LYG1: variants seen among roughly 807,000 people sequenced by gnomAD.
LYG1 encodes lysozyme g1.
LYG1 carries 17 observed loss-of-function variants against 21.7 expected under a neutral mutation model. That is an observed-to-expected ratio of 0.78 (90% CI 0.54 to 1.18). The LOEUF (loss-of-function observed/expected upper bound fraction) is 1.18. Among genes scored for constraint, LYG1 ranks in the 50% most tolerant of loss-of-function variants. The pLI, the probability that LYG1 is intolerant of heterozygous loss-of-function variation, is 0.00. For missense variants in LYG1, 211 were observed against 238.1 expected, an observed-to-expected ratio of 0.89 and a Z score of 0.75; for synonymous variants, 81 against 87.4, an observed-to-expected ratio of 0.93 and a Z score of 0.41.
intron 4 of LYG1, among the ~76,000 whole-genome samples, chr2:99,292,307 A>G (rs2094121442): frequency 6.6e-6 from 1 of 152,110 alleles, no homozygotes; most frequent in Non-Finnish European, 1.5e-5. Context: ...TAAAAATAAA[A>G]AATAAAAAGC....
At chr2:99,302,952 G>A (rs181401902), upstream of LYG1, among the ~76,000 whole-genome samples, 1 of 151,632 alleles carries the variant, frequency 6.6e-6, no homozygotes, top group Non-Finnish European at 1.5e-5. Flanking sequence ...AAGAGGGAGA[G>A]GTTGCAGTAA....
upstream of LYG1, among the ~76,000 whole-genome samples, chr2:99,303,947 G>A (rs556013147): frequency 9.9e-5 from 15 of 152,040 alleles, no homozygotes; most frequent in African/African-American, 3.6e-4. Context: ...CCAGGCAGGC[G>A]GATCACGAGC....
rs1277660668 is a variant in LYG1, at chr2:99,291,317, C to T, written c.253G>A (p.Val85Met). ...TTCCTGGACAAGACACCAGCGATCACGGCAGGATCCATGCAGTACTTTTGG... is the reference window on the plus strand; with the variant it reads ...TTCCTGGACAAGACACCAGCGATCATGGCAGGATCCATGCAGTACTTTTGG... ...IGQKYCMDPA[V>M]IAGVLSRKSP... The change falls in exon 5 of 7, where the codon GTG becomes ATG. Residue 85 changes from valine (V) to methionine (M), a missense_variant. Transcript: ENST00000308528. 2.0e-5 allele frequency: 33 copies of T among 1,613,390 alleles called. No individual in the cohort carries two copies. Among genetic ancestry groups the T allele is most frequent in the Middle Eastern group, 1.7e-4 (1 of 5,984 alleles).
intron 3 of LYG1, among the ~76,000 whole-genome samples, chr2:99,294,151 C>T (rs2094129460): frequency 6.6e-6 from 1 of 152,080 alleles, no homozygotes; most frequent in South Asian, 2.1e-4. Flanking sequence ...TGAGCTCAAG[C>T]AATTTGCCCG....
intron 6 of LYG1, 60 bp from the exon 7 acceptor site, chr2:99,284,571 T>C: frequency 1.9e-6 from 3 of 1,595,566 alleles, no homozygotes; most frequent in Non-Finnish European, 1.7e-6. Context: ...ACTCTGATTC[T>C]CTTTACTAAC....
At chr2:99,302,703 T>A (rs558616610), upstream of LYG1, among the ~76,000 whole-genome samples, 1 of 152,258 alleles carries the variant, frequency 6.6e-6, no homozygotes, top group East Asian at 1.9e-4. Context: ...GCATCCCCAG[T>A]GCAGACATTG....
chr2:99,299,621 C>T (rs1167563400), intron 1 of LYG1, among the ~76,000 whole-genome samples: 4 of 151,736 alleles, frequency 2.6e-5, no homozygotes, highest in South Asian at 2.1e-4. Flanking sequence ...GACGGGGTTT[C>T]GCCATGTTGG....
chr2:99,284,555 C>T (rs377333710), intron 6 of LYG1, 44 bp from the exon 7 acceptor site: 1 of 1,599,714 alleles, frequency 6.3e-7, no homozygotes, highest in Non-Finnish European at 8.6e-7. Flanking sequence ...GGGTACTCAG[C>T]AGTTAACTCT....
intron 5 of LYG1, among the ~76,000 whole-genome samples, chr2:99,288,503 CTTAAT>C (rs1301402590): frequency 6.6e-6 from 1 of 152,016 alleles, no homozygotes; most frequent in African/African-American, 2.4e-5. Flanking sequence ...CTACTATCAT[CTTAAT>C]TTGTTATTTC....
At chr2:99,295,263 C>T (rs966800973) in intron 3 of LYG1, among the ~76,000 whole-genome samples, 1 of 152,148 alleles carries the variant, frequency 6.6e-6, no homozygotes, top group African/African-American at 2.4e-5. Context: ...TTGAATTAGT[C>T]TTATTCATTA....
chr2:99,289,354 G>A (rs1333699411), intron 5 of LYG1, among the ~76,000 whole-genome samples: 1 of 151,936 alleles, frequency 6.6e-6, no homozygotes, highest in African/African-American at 2.4e-5. Flanking sequence ...CAGCTACTTG[G>A]GAGGCTGAGG....
Position 99,299,284 on chromosome 2 carries a change from CT to C in LYG1, c.-123-736del, listed in dbSNP as rs759326268. 3.5e-3 allele frequency among the ~76,000 whole-genome samples: 442 copies of C among 124,566 alleles called. 2 individuals are homozygous for C. Among genetic ancestry groups the C allele is most frequent in the East Asian group, 5.7e-3 (24 of 4,200 alleles). The allele number at this position is 124,566 out of a possible 152,430, so 81.7% of individuals were successfully genotyped here. A position where few individuals can be genotyped will look rare whatever the true frequency, so the allele number is the denominator to read the frequency against. On this transcript the variant is annotated intron_variant, in intron 1 of 6. Coordinates refer to ENST00000308528, the MANE Select transcript of LYG1 (RefSeq NM_174898.3). ...TTTTTCTTTTTCTTTTTCTTTTTTT[CT>C]TTTTTTTTTTTTTTTAATCGAGACA...
In LYG1 at chr2:99,295,751, C is replaced by T. The variant is rs190820972; in HGVS notation, c.-32-49G>A. On this transcript the variant is annotated intron_variant, in intron 2 of 6. Coordinates refer to ENST00000308528, the MANE Select transcript of LYG1 (RefSeq NM_174898.3). ...AGAATACAAAAATATCAGTCATCAT[C>T]ATAACCACATGTAATATTTCCACAG... 53 of 1,529,166 alleles carry T rather than the reference C, an allele frequency of 3.5e-5. No individual in the cohort carries two copies. The African/African-American group carries it at 7.2e-4, about 21-fold the overall frequency. 94.7% of individuals were successfully genotyped at this position (1,529,166 alleles called of 1,614,324 possible).
intron 5 of LYG1, among the ~76,000 whole-genome samples, chr2:99,286,989 A>T (rs1181509721): frequency 1.3e-5 from 2 of 152,244 alleles, no homozygotes; most frequent in Non-Finnish European, 2.9e-5. Context: ...TGAGGACATT[A>T]TGTAAGTGAA....
chr2:99,299,686 A>G (rs1335455656), intron 1 of LYG1, among the ~76,000 whole-genome samples: 1 of 152,030 alleles, frequency 6.6e-6, no homozygotes, highest in African/African-American at 2.4e-5. Flanking sequence ...CAGCCTCCCA[A>G]AGTGCTGGGA....
chr2:99,287,803 T>G (rs1450806922), intron 5 of LYG1, among the ~76,000 whole-genome samples: 4 of 152,222 alleles, frequency 2.6e-5, no homozygotes, highest in African/African-American at 4.8e-5. Flanking sequence ...TATTGTGATA[T>G]CTGAAATTTT....
At chr2:99,295,494 C>G in intron 3 of LYG1, 134 bp downstream of exon 3, 3 of 1,105,576 alleles carry the variant, frequency 2.7e-6, no homozygotes, top group Non-Finnish European at 4.1e-6. Flanking sequence ...CTGTTCCTAA[C>G]TCCAGGATTT....
At chr2:99,292,714 C>T (rs2094123602) in intron 3 of LYG1, 74 bp from the exon 4 acceptor site, 2 of 918,550 alleles carry the variant, frequency 2.2e-6, no homozygotes, top group African/African-American at 1.7e-5. Flanking sequence ...AATAAAATTA[C>T]ATTAATAAAA....
At chr2:99,288,734 T>C (rs1196860869) in intron 5 of LYG1, among the ~76,000 whole-genome samples, 3 of 152,096 alleles carry the variant, frequency 2.0e-5, no homozygotes, top group Admixed American at 6.5e-5. Flanking sequence ...ACTGCCTGAC[T>C]GATTTTTGTA....
Sources: gnomAD v4.1 joint callset for allele counts (sites outside exome capture counted in the v4.1 genomes callset) on GRCh38, gnomAD v4.1.1 for gene constraint, MANE v1.5 for transcripts, NCBI Gene and HGNC (gene_info 2026-07-23, HGNC 2026-07-21) for gene names.